PLEKHG7: variants seen among roughly 807,000 people sequenced by gnomAD.
PLEKHG7 encodes the protein pleckstrin homology domain-containing family G member 7.
Under a neutral mutation model 85.2 loss-of-function variants are expected in PLEKHG7, and 77 were observed. The ratio of observed to expected loss-of-function variants is 0.90; its 90% CI spans 0.75 to 1.09. The LOEUF is 1.09. Among genes scored for constraint, PLEKHG7 ranks in the 50% least tolerant of loss-of-function variants. PLEKHG7 has a pLI of 0.00. For missense variants in PLEKHG7, 777 were observed against 804.3 expected (o/e 0.97, Z 0.41); for synonymous variants, 301 against 302.4 (o/e 1.00, Z 0.05).
At chr12:92,746,484 G>C (rs1018928991) in intron 10 of PLEKHG7, among the ~76,000 whole-genome samples, 3 of 152,200 alleles carry the variant, frequency 2.0e-5, no homozygotes, top group African/African-American at 7.2e-5. Flanking sequence ...TATTTTTGTA[G>C]CTTCAGCCCT....
chr12:92,718,378 T>G (rs888333466), intron 3 of PLEKHG7, among the ~76,000 whole-genome samples: 2 of 152,290 alleles, frequency 1.3e-5, no homozygotes, highest in East Asian at 3.9e-4. Context: ...TTTAATTGCG[T>G]CAAAAACTGC....
chr12:92,770,263 T>G lies in PLEKHG7; in HGVS notation c.*68T>G. ...TAAGGTATAATTTCATTCAAAGTTT[T>G]GTAACACTTAGCTAGTGATAAGCTA... is the stretch of plus-strand genomic sequence containing the variant. On this transcript the variant is annotated 3_prime_UTR_variant, in exon 17 of 17. Transcript: ENST00000344636. 1 of 1,180,854 alleles carries G rather than the reference T, an allele frequency of 8.5e-7. No individual in the cohort carries two copies. Among genetic ancestry groups the G allele is most frequent in the Admixed American group, 2.3e-5 (1 of 43,250 alleles). The allele number at this position is 1,180,854 out of a possible 1,614,324, so 73.1% of individuals were successfully genotyped here.
At chr12:92,751,660 C>T (rs1337653693) in intron 10 of PLEKHG7, among the ~76,000 whole-genome samples, 4 of 151,926 alleles carry the variant, frequency 2.6e-5, no homozygotes, top group African/African-American at 7.3e-5. Context: ...AGGCATGAGC[C>T]ACCACGCCCG....
chr12:92,739,699 T>C (rs1872291711), intron 7 of PLEKHG7, among the ~76,000 whole-genome samples: 1 of 152,196 alleles, frequency 6.6e-6, no homozygotes, highest in African/African-American at 2.4e-5. Flanking sequence ...ATAATAAATA[T>C]ACTGGAAGAC....
intron 3 of PLEKHG7, among the ~76,000 whole-genome samples, chr12:92,723,809 G>A (rs947505214): frequency 1.3e-5 from 2 of 152,092 alleles, no homozygotes; most frequent in Non-Finnish European, 2.9e-5. Context: ...AGAAGGGGTT[G>A]GGGAAGATGA....
intron 2 of PLEKHG7, 139 bp downstream of exon 2, chr12:92,707,277 C>G: frequency 7.0e-7 from 1 of 1,438,492 alleles, no homozygotes; most frequent in Non-Finnish European, 9.1e-7. Context: ...GGGACACATT[C>G]TCTTTAGGAA....
At chr12:92,731,081 C>T (rs1214351535) in intron 4 of PLEKHG7, among the ~76,000 whole-genome samples, 1 of 152,178 alleles carries the variant, frequency 6.6e-6, no homozygotes, top group East Asian at 1.9e-4. Context: ...TCAATAAGGA[C>T]TCATGAATCT....
At chr12:92,717,192 C>T (rs1364939095) in intron 3 of PLEKHG7, among the ~76,000 whole-genome samples, 1 of 152,218 alleles carries the variant, frequency 6.6e-6, no homozygotes, top group Non-Finnish European at 1.5e-5. Context: ...CCTTCCAATG[C>T]TCAAATAGAA....
rs1385878616 is a variant in PLEKHG7 at position 92,771,511 on chromosome 12, G to GT, written c.*1317dup. 6.6e-6 allele frequency: 1 copy of GT among 152,038 alleles called. No homozygotes were observed. The highest frequency in any genetic ancestry group is 1.5e-5 in the Non-Finnish European group (1 of 67,952). The allele number at this position is 152,038 out of a possible 1,614,324, so 9.4% of individuals were successfully genotyped here. A position where few individuals can be genotyped will look rare whatever the true frequency, so the allele number is the denominator to read the frequency against. On this transcript the variant is annotated 3_prime_UTR_variant, in exon 17 of 17. Transcript: ENST00000344636. Reference sequence around the variant, plus strand: ...GAAAAAAAGGAAAATCTGGAGGACAGTAACTATTGTTAATAGCTAAGAATA... The same window carrying GT: ...GAAAAAAAGGAAAATCTGGAGGACAGTTAACTATTGTTAATAGCTAAGAATA...
At chr12:92,756,000 G>C (rs957061058) in intron 12 of PLEKHG7, 60 bp downstream of exon 12, 1 of 1,153,304 alleles carries the variant, frequency 8.7e-7, no homozygotes, top group East Asian at 2.4e-5. Context: ...CATTCAGATA[G>C]AAATACAATC....
At chr12:92,768,861 C>A in intron 15 of PLEKHG7, 122 bp from the exon 16 acceptor site, 1 of 618,834 alleles carries the variant, frequency 1.6e-6, no homozygotes. Context: ...GATAAACCTC[C>A]CACCCTCGTT....
Position 92,756,309 on chromosome 12 carries a change from C to G in PLEKHG7, c.1554C>G (p.His518Gln). ...KRFFIPECLK[H>Q]IFKEHMAENI... Reference sequence around the variant, plus strand: ...GCTTGTTTTACAAGTGTTTGAAACACATTTTTAAAGAACACATGGCAGAAA... The same window carrying G: ...GCTTGTTTTACAAGTGTTTGAAACAGATTTTTAAAGAACACATGGCAGAAA... The change falls in exon 13 of 17, where the codon CAC becomes CAG. Residue 518 changes from histidine (H) to glutamine (Q), a missense_variant. By Grantham distance (24) the His-to-Gln change is conservative. Coordinates refer to ENST00000344636, the MANE Select transcript of PLEKHG7 (RefSeq NM_001377329.1). 1 of 1,609,074 alleles carries G rather than the reference C, an allele frequency of 6.2e-7. No individual in the cohort carries two copies. Among genetic ancestry groups the G allele is most frequent in the Non-Finnish European group, 8.5e-7 (1 of 1,175,572 alleles).
intron 13 of PLEKHG7, among the ~76,000 whole-genome samples, chr12:92,761,379 A>G (rs774141322): frequency 6.6e-6 from 1 of 152,036 alleles, no homozygotes; most frequent in East Asian, 1.9e-4. Context: ...CATAAATTCA[A>G]TGTCTTTAAT....
chr12:92,730,099 A>G (rs1871939761), intron 4 of PLEKHG7, among the ~76,000 whole-genome samples: 1 of 152,204 alleles, frequency 6.6e-6, no homozygotes, highest in Non-Finnish European at 1.5e-5. Context: ...GGGCAGCTGC[A>G]GTCTCCTGTA....
chr12:92,738,121 T>C (rs1872232551), intron 7 of PLEKHG7, among the ~76,000 whole-genome samples: 1 of 152,204 alleles, frequency 6.6e-6, no homozygotes, highest in Non-Finnish European at 1.5e-5. Context: ...ATTGCAGATA[T>C]AGGGGGCTAC....
intron 8 of PLEKHG7, 85 bp from the exon 9 acceptor site, chr12:92,741,406 A>T: frequency 1.3e-6 from 1 of 794,124 alleles, no homozygotes; most frequent in Non-Finnish European, 2.0e-6. Context: ...AAACACCTGT[A>T]AGAATGATAC....
chr12:92,756,026 A>G (rs1415341366), intron 12 of PLEKHG7, 86 bp downstream of exon 12: 10 of 898,752 alleles, frequency 1.1e-5, no homozygotes, highest in Admixed American at 4.7e-5. Flanking sequence ...AGATGTCCCC[A>G]TCTGTCCACT....
At chr12:92,745,283 G>A (rs748032267) in intron 9 of PLEKHG7, among the ~76,000 whole-genome samples, 195 bp from the exon 10 acceptor site, 5 of 152,162 alleles carry the variant, frequency 3.3e-5, no homozygotes, top group Non-Finnish European at 7.4e-5. Flanking sequence ...ATGAGAGTAC[G>A]ATATTCTGTT....
chr12:92,761,619 GAAAGAAGAAAGAAAGAAAGAAAGA>G (rs1335401355), intron 13 of PLEKHG7, 109 bp from the exon 14 acceptor site: 14 of 993,480 alleles, frequency 1.4e-5, no homozygotes, highest in Admixed American at 4.9e-5. Flanking sequence ...AAGAAAGAAA[GAAAGAAGAAAGAAAGAAAGAAAGA>G]AAGAAAGAAA....
Sources: gnomAD v4.1 joint callset for allele counts (sites outside exome capture counted in the v4.1 genomes callset) on GRCh38, gnomAD v4.1.1 for gene constraint, MANE v1.5 for transcripts, NCBI Gene and HGNC (gene_info 2026-07-23, HGNC 2026-07-21) for gene names.